DLC1: variants seen among roughly 807,000 people sequenced by gnomAD.
The protein encoded by DLC1 is DLC1 Rho GTPase activating protein.
A neutral mutation model predicts 140.3 loss-of-function variants in DLC1; 54 were observed. The observed-to-expected ratio is 0.38, with a 90% CI of 0.31 to 0.48. DLC1 has a LOEUF of 0.48. Ranked by LOEUF, DLC1 falls within the 20% of genes least tolerant of loss-of-function variation. The pLI is 0.96. For missense variants in DLC1, 2,536 were observed against 1,907.0 expected (o/e 1.33, Z -6.14); for synonymous variants, 986 against 728.1 (o/e 1.35, Z -5.70).
intron 1 of DLC1, among the ~76,000 whole-genome samples, chr8:13,596,928 A>G (rs1805700146): frequency 6.6e-6 from 1 of 151,866 alleles, no homozygotes; most frequent in Non-Finnish European, 1.5e-5. Context: ...GTGGATCAGA[A>G]TGCTTTCAGA....
intron 2 of DLC1, among the ~76,000 whole-genome samples, chr8:13,485,774 C>T (rs192258188): frequency 3.3e-5 from 5 of 152,274 alleles, no homozygotes; most frequent in Admixed American, 2.6e-4. Context: ...CAATAACTAT[C>T]GGGTATGAAA....
chr8:13,575,811 T>C (rs1483097568), intron 1 of DLC1, among the ~76,000 whole-genome samples: 5 of 152,190 alleles, frequency 3.3e-5, no homozygotes, highest in Non-Finnish European at 7.3e-5. Flanking sequence ...ATGAGTGCCT[T>C]GGTCATTATG....
chr8:13,095,928 C>G (rs1489542629), intron 10 of DLC1: 1 of 152,204 alleles, frequency 6.6e-6, no homozygotes, highest in Non-Finnish European at 1.5e-5. Flanking sequence ...AACATTACAT[C>G]TTTAGGTTTC....
chr8:13,500,234 C>A (rs533355446), intron 1 of DLC1, 38 bp from the exon 2 acceptor site: 17 of 594,446 alleles, frequency 2.9e-5, no homozygotes, highest in Non-Finnish European at 4.8e-5. Context: ...GTCGCAGATA[C>A]GTTTCTAAAG....
intron 5 of DLC1, among the ~76,000 whole-genome samples, chr8:13,155,818 T>G (rs58024383): frequency 6.6e-6 from 1 of 152,202 alleles, no homozygotes; most frequent in Non-Finnish European, 1.5e-5. Flanking sequence ...GTAGTAACTT[T>G]AACTGAATAT....
At chr8:13,213,861 G>T (rs895535958) in intron 5 of DLC1, among the ~76,000 whole-genome samples, 2 of 151,180 alleles carry the variant, frequency 1.3e-5, no homozygotes, top group African/African-American at 2.4e-5. Context: ...TCAGTTCACT[G>T]CAACCTCTGC....
intron 2 of DLC1, among the ~76,000 whole-genome samples, chr8:13,438,997 T>C (rs777744491): frequency 2.0e-4 from 31 of 152,156 alleles, no homozygotes; most frequent in Non-Finnish European, 4.1e-4. Flanking sequence ...TGTATACAAA[T>C]AATTGTGCCT....
At chr8:13,403,807 G>GGT (rs746050193) in intron 2 of DLC1, among the ~76,000 whole-genome samples, 1 of 87,296 alleles carries the variant, frequency 1.1e-5, no homozygotes, top group South Asian at 4.9e-4. Flanking sequence ...AGGTCTGGCT[G>GGT]TTTTTTTTTT....
intron 2 of DLC1, among the ~76,000 whole-genome samples, chr8:13,492,508 C>CTG (rs1801304582): frequency 6.8e-6 from 1 of 147,368 alleles, no homozygotes; most frequent in South Asian, 2.2e-4. Context: ...CTGTCTCTCT[C>CTG]TCTCTCTCTG....
rs150820022 is a variant in DLC1 at position 13,506,708 on chromosome 8, C to G, written c.-125-6512G>C. Among the ~76,000 whole-genome samples the G allele has an allele frequency of 3.0e-3, 459 of 151,574 alleles. 2 individuals carry two copies. The highest frequency in any genetic ancestry group is 0.011 in the African/African-American group (436 of 41,236). ...ACACACACTTACATAAAACAGCTAT[C>G]GCATAGCATGTGCTTAGTCACTGTG... On this transcript the variant is annotated intron_variant, in intron 1 of 17. Transcript: ENST00000276297.
chr8:13,419,826 G>A (rs1385800188), intron 2 of DLC1, among the ~76,000 whole-genome samples: 2 of 152,170 alleles, frequency 1.3e-5, no homozygotes, highest in African/African-American at 2.4e-5. Flanking sequence ...GAATTCGGCT[G>A]TGAATCCATC....
At chr8:13,231,591 T>C in intron 5 of DLC1, among the ~76,000 whole-genome samples, 1 of 152,378 alleles carries the variant, frequency 6.6e-6, no homozygotes, top group East Asian at 1.9e-4. Context: ...TTTTGATTGG[T>C]CTACAATTCT....
intron 1 of DLC1, among the ~76,000 whole-genome samples, chr8:13,561,029 T>G (rs1005805500): frequency 3.9e-5 from 6 of 152,128 alleles, no homozygotes; most frequent in African/African-American, 1.4e-4. Flanking sequence ...ATGTCTAGGC[T>G]CAAACTTTGT....
chr8:13,342,924 C>G (rs879777413), intron 4 of DLC1, among the ~76,000 whole-genome samples: 5 of 151,932 alleles, frequency 3.3e-5, no homozygotes, highest in Admixed American at 6.6e-5. Context: ...ACATCAATGA[C>G]AAGACGAATT....
intron 5 of DLC1, among the ~76,000 whole-genome samples, chr8:13,184,462 T>G (rs1237525880): frequency 6.6e-6 from 1 of 152,258 alleles, no homozygotes; most frequent in Non-Finnish European, 1.5e-5. Context: ...CTCTACACTC[T>G]GCTTTAAATG....
chr8:13,459,916 T>A (rs1236338269), intron 2 of DLC1, among the ~76,000 whole-genome samples: 1 of 152,184 alleles, frequency 6.6e-6, no homozygotes. Flanking sequence ...CGCCCTCATC[T>A]CGCCCAATAT....
chr8:13,480,860 C>G (rs1359784464), intron 2 of DLC1, among the ~76,000 whole-genome samples: 2 of 152,090 alleles, frequency 1.3e-5, no homozygotes, highest in African/African-American at 4.8e-5. Flanking sequence ...GCTGAGATCA[C>G]GCCATTGCAC....
At chr8:13,472,292 C>G (rs1229815252) in intron 2 of DLC1, among the ~76,000 whole-genome samples, 2 of 152,066 alleles carry the variant, frequency 1.3e-5, no homozygotes, top group Non-Finnish European at 2.9e-5. Flanking sequence ...CGTGTATACA[C>G]ACATATGTAC....
chr8:13,461,464 G>T (rs1799654658), intron 2 of DLC1, among the ~76,000 whole-genome samples: 1 of 152,152 alleles, frequency 6.6e-6, no homozygotes, highest in Non-Finnish European at 1.5e-5. Flanking sequence ...CCTGCCAAGG[G>T]CAGGCCTCTG....
Sources: allele counts gnomAD v4.1 joint callset (sites outside exome capture counted in the v4.1 genomes callset), GRCh38; gene constraint gnomAD v4.1.1; transcripts MANE v1.5; gene names NCBI Gene and HGNC (gene_info 2026-07-23, HGNC 2026-07-21).